DCAF11: variants seen among roughly 807,000 people sequenced by gnomAD.
The protein encoded by DCAF11 is DDB1- and CUL4-associated factor 11.
In DCAF11, 44 loss-of-function variants were observed where a neutral mutation model predicts 76.1. That is an observed-to-expected ratio of 0.58 (90% CI 0.45 to 0.74). The LOEUF is 0.74. Ranked by LOEUF, DCAF11 falls within the 30% of genes least tolerant of loss-of-function variation. DCAF11 has a pLI of 0.00. For synonymous variants in DCAF11, 258 were observed against 255.0 expected (o/e 1.01, Z -0.11); for missense variants, 604 against 709.4 (o/e 0.85, Z 1.69).
In DCAF11 at chr14:24,123,573, T is replaced by A; in HGVS notation, c.*264T>A. The stretch of plus-strand genomic sequence containing the variant: ...CTGCCATTATCTGGGGTGTGGCCTC[T>A]GCCAGCAAGAGAAGTGTCCTGGGTG... On this transcript the variant is annotated 3_prime_UTR_variant, in exon 15 of 15. Transcript: ENST00000446197. 1 of 430,052 alleles carries A rather than the reference T, an allele frequency of 2.3e-6. No individual in the cohort carries two copies. 26.6% of individuals were successfully genotyped at this position (430,052 alleles called of 1,614,324 possible). A position where few individuals can be genotyped will look rare whatever the true frequency, so the allele number is the denominator to read the frequency against.
At chr14:24,121,593 T>C in intron 13 of DCAF11, 76 bp downstream of exon 13, 1 of 1,524,338 alleles carries the variant, frequency 6.6e-7, no homozygotes, top group African/African-American at 1.4e-5. Context: ...TAACGACTAG[T>C]GACCACCTTA....
chr14:24,122,728 G>T (rs1262863758), intron 13 of DCAF11, among the ~76,000 whole-genome samples: 1 of 152,126 alleles, frequency 6.6e-6, no homozygotes, highest in Non-Finnish European at 1.5e-5. Flanking sequence ...CTTAACTGTA[G>T]CCCCTATGAA....
chr14:24,116,874 G>A (rs2139012158), intron 2 of DCAF11, 43 bp from the exon 3 acceptor site: 1 of 1,612,756 alleles, frequency 6.2e-7, no homozygotes, highest in African/African-American at 1.3e-5. Flanking sequence ...TGGTTGGTTT[G>A]GGGGAAGAAG....
chr14:24,118,419 T>C lies in DCAF11; in HGVS notation c.609T>C (p.Tyr203=), dbSNP rs1413914928. ...CAATCCGACTCTATGACTGCCGATA[T>C]GGCCGTTTCCGTAAATTCAAGAGCA... The part of the protein sequence containing the change: ...DQTIRLYDCR[Y]GRFRKFKSIK... The change falls in exon 7 of 15, where the codon TAT becomes TAC. Residue 203 remains tyrosine (Y), a synonymous_variant. Coordinates refer to ENST00000446197, the MANE Select transcript of DCAF11 (RefSeq NM_025230.5). 6 of 1,614,130 alleles carry C rather than the reference T, an allele frequency of 3.7e-6. No individual in the cohort carries two copies. In the African/African-American group the frequency reaches 5.3e-5, roughly 14 times the overall value.
rs1054000165 is a variant in DCAF11, at chr14:24,115,431, A to C, written c.-164A>C. On this transcript the variant is annotated 5_prime_UTR_variant, in exon 2 of 15. Transcript: ENST00000446197. ...ACGCCTTGGTAGTTGGCATAGGCTA[A>C]AGAAAAGGGATCTCAGCCCCGAGGA... The C allele has an allele frequency of 4.0e-6, 4 of 1,004,558 alleles. No individual in the cohort carries two copies. Among genetic ancestry groups the C allele is most frequent in the Admixed American group, 2.8e-5 (1 of 35,160 alleles). The allele number at this position is 1,004,558 out of a possible 1,614,324, so 62.2% of individuals were successfully genotyped here. A position where few individuals can be genotyped will look rare whatever the true frequency, so the allele number is the denominator to read the frequency against.
intron 11 of DCAF11, 103 bp from the exon 12 acceptor site, chr14:24,120,735 C>A: frequency 7.1e-7 from 1 of 1,418,364 alleles, no homozygotes; most frequent in Admixed American, 2.0e-5. Flanking sequence ...CAAGTAAAGC[C>A]AGAGGCCAGA....
chr14:24,122,682 C>T (rs2037713089), intron 13 of DCAF11, among the ~76,000 whole-genome samples: 1 of 152,110 alleles, frequency 6.6e-6, no homozygotes, highest in African/African-American at 2.4e-5. Flanking sequence ...TGGTGCCTTC[C>T]ATATCTTACT....
intron 10 of DCAF11, 25 bp from the exon 11 acceptor site, chr14:24,119,686 A>G: frequency 6.2e-7 from 1 of 1,614,184 alleles, no homozygotes; most frequent in Non-Finnish European, 8.5e-7. Flanking sequence ...AAGAGGTCTT[A>G]TATCCTGGCC....
chr14:24,123,466 C>A lies in DCAF11; in HGVS notation c.*157C>A. The A allele has an allele frequency of 8.3e-7, 1 of 1,206,066 alleles. No homozygotes were observed. The highest frequency in any genetic ancestry group is 2.3e-5 in the South Asian group (1 of 43,944). 74.7% of individuals were successfully genotyped at this position (1,206,066 alleles called of 1,614,324 possible). ...AGCCTCAGCTGAGCCCTGGAAGATT[C>A]TCCCCATGGGGCAGAGTGGTCTCCT... On this transcript the variant is annotated 3_prime_UTR_variant, in exon 15 of 15. Transcript: ENST00000446197.
Position 24,115,090 on chromosome 14 carries a change from C to A in DCAF11, c.-417C>A, listed in dbSNP as rs535029535. 4 of 917,344 alleles carry A rather than the reference C, an allele frequency of 4.4e-6. No individual in the cohort carries two copies. The Admixed American group carries it at 1.9e-4, about 43-fold the overall frequency. The allele number at this position is 917,344 out of a possible 1,614,324, so 56.8% of individuals were successfully genotyped here. A position where few individuals can be genotyped will look rare whatever the true frequency, so the allele number is the denominator to read the frequency against. On this transcript the variant is annotated 5_prime_UTR_variant, in exon 1 of 15. Transcript: ENST00000446197. Reference sequence around the variant, plus strand: ...TTTCATTGGCTGTCACTGCTGCCGGCCTTTGTAAGGGGGCGCTCTGATTGG... The same window carrying A: ...TTTCATTGGCTGTCACTGCTGCCGGACTTTGTAAGGGGGCGCTCTGATTGG...
Position 24,117,359 on chromosome 14 carries a change from C to T in DCAF11, c.377C>T (p.Ala126Val). 1 of 1,614,232 alleles carries T rather than the reference C, an allele frequency of 6.2e-7. No individual in the cohort carries two copies. The highest frequency in any genetic ancestry group is 8.5e-7 in the Non-Finnish European group (1 of 1,180,044). The change falls in exon 4 of 15, where the codon GCC (alanine) becomes GTC (valine). Residue 126 changes from alanine (A) to valine (V), a missense_variant. By Grantham distance (64) the Ala-to-Val change is moderately conservative. Coordinates refer to ENST00000446197, the MANE Select transcript of DCAF11 (RefSeq NM_025230.5). This position sits in a 1 kb window ranked among gnomAD's most constrained non-coding sequence, Gnocchi z 4.3. ...GGGCAGCTGGGGCTTAGGCGGGCCGCCCAGAAGCACAGCTTTCCTCGAATG... is the reference window on the plus strand; with the variant it reads ...GGGCAGCTGGGGCTTAGGCGGGCCGTCCAGAAGCACAGCTTTCCTCGAATG... ...ATGQLGLRRA[A>V]QKHSFPRMLH...
At chr14:24,115,891 TG>T in intron 2 of DCAF11, 142 bp downstream of exon 2, 7 of 1,068,010 alleles carry the variant, frequency 6.6e-6, no homozygotes, top group Non-Finnish European at 9.2e-6. Flanking sequence ...CTTTCCCTGC[TG>T]GGCACCCATG....
intron 2 of DCAF11, among the ~76,000 whole-genome samples, chr14:24,116,715 T>C (rs1233375498): frequency 6.6e-6 from 1 of 152,214 alleles, no homozygotes; most frequent in Admixed American, 6.5e-5. Context: ...GTCCACAGCA[T>C]GTTGGTCTTG....
rs1372458104 is a variant in DCAF11, at chr14:24,123,064, T to C, written c.1493T>C (p.Ile498Thr). The change falls in exon 14 of 15, where the codon ATT becomes ACT. Residue 498 changes from isoleucine to threonine, a missense_variant. By Grantham distance (89) the Ile-to-Thr change is moderately conservative. Coordinates refer to ENST00000446197, the MANE Select transcript of DCAF11 (RefSeq NM_025230.5). ...DVSWHPFEEKIVSSSWDGNLR... is the reference protein window; with the variant it reads ...DVSWHPFEEKTVSSSWDGNLR... ...AGTTGGCACCCCTTTGAAGAGAAGATTGTCAGCAGTTCGGTGAGGTTGCAA... is the reference window on the plus strand; with the variant it reads ...AGTTGGCACCCCTTTGAAGAGAAGACTGTCAGCAGTTCGGTGAGGTTGCAA... 1 of 1,614,092 alleles carries C rather than the reference T, an allele frequency of 6.2e-7. No homozygotes were observed. The highest frequency in any genetic ancestry group is 1.1e-5 in the South Asian group (1 of 91,078).
Position 24,116,990 on chromosome 14 carries a change from G to A in DCAF11, c.229G>A (p.Glu77Lys). ...QFIQALLDSE[E>K]ENDRAWDGRL... ...CATTCAGGCCCTCTTGGACTCAGAG[G>A]AAGAGAATGACAGAGCTTGGGATGG... The change falls in exon 3 of 15, where the codon GAA (glutamate) becomes AAA (lysine). Residue 77 changes from glutamate (E) to lysine (K), a missense_variant. By Grantham distance (56) the Glu-to-Lys change is moderately conservative. Transcript: ENST00000446197. 4 of 1,614,218 alleles carry A rather than the reference G, an allele frequency of 2.5e-6. No individual in the cohort carries two copies. The highest frequency in any genetic ancestry group is 3.4e-6 in the Non-Finnish European group (4 of 1,180,040).
At position 24,115,524 on chromosome 14, in the gene DCAF11, T is replaced by C. The variant is rs2037530442; in HGVS notation, c.-71T>C. On this transcript the variant is annotated 5_prime_UTR_variant, in exon 2 of 15. Transcript: ENST00000446197. Reference sequence around the variant, plus strand: ...ACCCTGGTATTTCTAGAGCACGCTTTGCTTTCACCAAACCCAAGGAGGTGA... The same window carrying C: ...ACCCTGGTATTTCTAGAGCACGCTTCGCTTTCACCAAACCCAAGGAGGTGA... 6.5e-7 allele frequency: 1 copy of C among 1,527,352 alleles called. No homozygotes were observed. The highest frequency in any genetic ancestry group is 2.1e-5 in the Admixed American group (1 of 47,326). 94.6% of individuals were successfully genotyped at this position (1,527,352 alleles called of 1,614,324 possible). A position where few individuals can be genotyped will look rare whatever the true frequency, so the allele number is the denominator to read the frequency against.
rs773109585 is a variant in DCAF11, at chr14:24,117,288, G to A, written c.306G>A (p.Arg102=). 6.2e-7 allele frequency: 1 copy of A among 1,614,176 alleles called. No homozygotes were observed. The highest frequency in any genetic ancestry group is 2.2e-5 in the East Asian group (1 of 44,880). ...NPPVDATPDT[R]ELEFNEIKTQ... is the part of the protein sequence containing the mutation. ...CAGTGGATGCTACCCCTGACACCCG[G>A]GAGCTGGAATTCAATGAGATCAAGA... The change falls in exon 4 of 15, where the codon CGG becomes CGA. Residue 102 remains arginine, a synonymous_variant. Transcript: ENST00000446197. The surrounding 1 kb of genome is among the most constrained non-coding windows in gnomAD (Gnocchi z 4.3).
At chr14:24,119,990 T>C (rs996117131) in intron 11 of DCAF11, 94 bp downstream of exon 11, 69 of 1,414,330 alleles carry the variant, frequency 4.9e-5, no homozygotes, top group Non-Finnish European at 6.2e-5. Context: ...TTTGACAAGC[T>C]CCTTATTAAC....
Position 24,120,936 on chromosome 14 carries a change from C to T in DCAF11, c.1191C>T (p.Arg397=). ...GCCGGGAAGGCATGGAAGCTTCACG[C>T]CAGGCTGCCACACAGCAAAACTGGG... ...FSSREGMEAS[R]QAATQQNWDY... is the part of the protein sequence containing the mutation. The change falls in exon 12 of 15, where the codon CGC becomes CGT. Residue 397 remains arginine, a synonymous_variant. Coordinates refer to ENST00000446197, the MANE Select transcript of DCAF11 (RefSeq NM_025230.5). The T allele has an allele frequency of 6.2e-7, 1 of 1,614,210 alleles. No homozygotes were observed. The highest frequency in any genetic ancestry group is 8.5e-7 in the Non-Finnish European group (1 of 1,180,036).
Sources: gnomAD v4.1 joint callset for allele counts (sites outside exome capture counted in the v4.1 genomes callset) on GRCh38, gnomAD v4.1.1 for gene constraint, Gnocchi (gnomAD v3.1) non-coding constraint, MANE v1.5 for transcripts, NCBI Gene and HGNC (gene_info 2026-07-23, HGNC 2026-07-21) for gene names.